The following ERBB4 variants were observed in gnomAD, a reference collection of about 807,000 sequenced individuals.
ERBB4 encodes the protein receptor tyrosine-protein kinase erbB-4.
In ERBB4, 42 loss-of-function variants were observed where a neutral mutation model predicts 158.0. The ratio of observed to expected loss-of-function variants is 0.27; its 90% confidence interval spans 0.21 to 0.34. The LOEUF is 0.34. Among genes scored for constraint, ERBB4 ranks in the 10% least tolerant of loss-of-function variants. The pLI is 1.00. For missense variants in ERBB4, 1,333 were observed against 1,624.1 expected, an observed-to-expected ratio of 0.82 and a Z score of 3.08; for synonymous variants, 583 against 558.7, an observed-to-expected ratio of 1.04 and a Z score of -0.61.
chr2:212,517,964 A>G (rs1691937002), intron 1 of ERBB4, among the ~76,000 whole-genome samples: 1 of 152,104 alleles, frequency 6.6e-6, no homozygotes, highest in African/African-American at 2.4e-5. Flanking sequence ...CCTTCAGAGT[A>G]GAGCTGTGCT....
intron 1 of ERBB4, among the ~76,000 whole-genome samples, chr2:212,220,360 G>A (rs1410366618): frequency 1.3e-5 from 2 of 151,288 alleles, no homozygotes; most frequent in African/African-American, 4.8e-5. Flanking sequence ...CTATCAAGTG[G>A]ACACAAATAA....
chr2:212,481,977 G>A (rs913568453), intron 1 of ERBB4, among the ~76,000 whole-genome samples: 3 of 152,182 alleles, frequency 2.0e-5, no homozygotes, highest in African/African-American at 7.2e-5. Flanking sequence ...CAGCAATTGA[G>A]TCTTGTGCAC....
At chr2:212,501,395 C>G (rs995266377) in intron 1 of ERBB4, among the ~76,000 whole-genome samples, 2 of 151,994 alleles carry the variant, frequency 1.3e-5, no homozygotes, top group African/African-American at 4.8e-5. Context: ...AAACCCTGAT[C>G]CATGTAAATA....
chr2:211,636,776 T>G (rs1273690833), intron 16 of ERBB4, among the ~76,000 whole-genome samples: 1 of 151,988 alleles, frequency 6.6e-6, no homozygotes, highest in Non-Finnish European at 1.5e-5. Context: ...CGAAAAAACT[T>G]CAGTTTACCT....
At chr2:211,490,338 T>C (rs2065308297) in intron 20 of ERBB4, among the ~76,000 whole-genome samples, 1 of 152,046 alleles carries the variant, frequency 6.6e-6, no homozygotes, top group Admixed American at 6.6e-5. Context: ...CTAAATAAGT[T>C]ATATATTGAA....
At chr2:211,722,174 T>C (rs2074120196) in intron 7 of ERBB4, among the ~76,000 whole-genome samples, 1 of 152,186 alleles carries the variant, frequency 6.6e-6, no homozygotes, top group Non-Finnish European at 1.5e-5. Context: ...GTAGGAGTTT[T>C]ATAACCTCAA....
chr2:212,436,017 C>A (rs2092128085), intron 1 of ERBB4, among the ~76,000 whole-genome samples: 1 of 151,730 alleles, frequency 6.6e-6, no homozygotes, highest in South Asian at 2.1e-4. Flanking sequence ...ATAGAAAATT[C>A]AGTACATGGC....
chr2:211,640,367 C>CT (rs2070532457), intron 16 of ERBB4, among the ~76,000 whole-genome samples: 1 of 152,016 alleles, frequency 6.6e-6, no homozygotes, highest in South Asian at 2.1e-4. Flanking sequence ...TGGGAAAAGA[C>CT]TTTAAGAAGT....
At chr2:211,853,842 C>A (rs903419833) in intron 3 of ERBB4, among the ~76,000 whole-genome samples, 1 of 151,984 alleles carries the variant, frequency 6.6e-6, no homozygotes, top group African/African-American at 2.4e-5. Flanking sequence ...AACAATGACT[C>A]AATAAAAAGC....
chr2:212,240,948 T>TAAATAAA (rs2084081997), intron 1 of ERBB4, among the ~76,000 whole-genome samples: 1 of 152,130 alleles, frequency 6.6e-6, no homozygotes. Context: ...AGGAAATAAA[T>TAAATAAA]TTTTTCCTCT....
chr2:212,457,489 G>A (rs1431956814), intron 1 of ERBB4, among the ~76,000 whole-genome samples: 1 of 151,942 alleles, frequency 6.6e-6, no homozygotes, highest in African/African-American at 2.4e-5. Flanking sequence ...AGCTTTCTAC[G>A]AAGGTGATAA....
chr2:211,996,834 G>C (rs1449287933), intron 2 of ERBB4, among the ~76,000 whole-genome samples: 1 of 152,144 alleles, frequency 6.6e-6, no homozygotes, highest in South Asian at 2.1e-4. Context: ...GGTCATACAC[G>C]TTTAATTTTA....
rs552241222 is a variant in ERBB4, at chr2:212,418,123, A to G, written c.82+120326T>C. On this transcript the variant is annotated intron_variant, in intron 1 of 27. Transcript: ENST00000342788. ...TTTCCAGTCTTCTGAACTGTGAGAA[A>G]TAACTGTATTGTTAGCCATTCGGTC... is the stretch of plus-strand genomic sequence containing the variant. Among the ~76,000 whole-genome samples, 31 of 152,128 alleles carry G rather than the reference A, an allele frequency of 2.0e-4. No individual in the cohort carries two copies. The South Asian group carries it at 5.8e-3, about 28-fold the overall frequency.
chr2:212,297,115 G>A (rs907143152), intron 1 of ERBB4, among the ~76,000 whole-genome samples: 11 of 152,040 alleles, frequency 7.2e-5, no homozygotes, highest in South Asian at 4.1e-4. Context: ...ATTCACATCT[G>A]AGTACAAATT....
At chr2:212,516,659 T>C (rs1217520956) in intron 1 of ERBB4, among the ~76,000 whole-genome samples, 1 of 152,130 alleles carries the variant, frequency 6.6e-6, no homozygotes, top group Non-Finnish European at 1.5e-5. Flanking sequence ...GTTGAATTTA[T>C]ATGTGTTTAT....
rs187626722 is a variant in ERBB4, at chr2:211,477,629, T to C, written c.2488-46529A>G. On this transcript the variant is annotated intron_variant, in intron 20 of 27. Transcript: ENST00000342788. ...TATTAAACTATGCATATGTTTTGTA[T>C]ATTTTTCTAGATCTGTGTTAGATTT... is the stretch of plus-strand genomic sequence containing the variant. Among the ~76,000 whole-genome samples, 4 of 152,268 alleles carry C rather than the reference T, an allele frequency of 2.6e-5. No individual in the cohort carries two copies. The East Asian group carries it at 7.7e-4, about 29-fold the overall frequency.
intron 5 of ERBB4, among the ~76,000 whole-genome samples, chr2:211,735,152 G>A (rs895112608): frequency 6.6e-6 from 1 of 151,904 alleles, no homozygotes; most frequent in Admixed American, 6.6e-5. Context: ...AATGTAGGTT[G>A]AGGGAAGCAT....
chr2:211,605,094 A>G (rs2068934702), intron 19 of ERBB4, among the ~76,000 whole-genome samples: 1 of 152,170 alleles, frequency 6.6e-6, no homozygotes. Flanking sequence ...AAGAAAACGT[A>G]TTCAACACAC....
chr2:211,538,853 C>T (rs952054008), intron 20 of ERBB4, among the ~76,000 whole-genome samples: 8 of 151,956 alleles, frequency 5.3e-5, no homozygotes, highest in Middle Eastern at 6.8e-3. Context: ...GGACAGAAAA[C>T]GCATAACTTC....
Sources: gnomAD v4.1 joint callset for allele counts (sites outside exome capture counted in the v4.1 genomes callset) on GRCh38, gnomAD v4.1.1 for gene constraint, MANE v1.5 for transcripts, NCBI Gene and HGNC (gene_info 2026-07-23, HGNC 2026-07-21) for gene names.